Variants in UPB1 observed in about 807,000 individuals in gnomAD.
UPB1 encodes beta-ureidopropionase.
In UPB1, 40 loss-of-function variants were observed where a neutral mutation model predicts 49.1. That is an observed-to-expected ratio of 0.81 (90% CI 0.63 to 1.06). UPB1 has a LOEUF of 1.06. Among genes scored for constraint, UPB1 ranks in the 50% least tolerant of loss-of-function variants. The probability of loss-of-function intolerance (pLI) is 0.00; values close to 1 mark genes in which losing one functional copy is unlikely to be tolerated. For missense variants in UPB1, 499 were observed against 505.9 expected (o/e 0.99, Z 0.13); for synonymous variants, 207 against 198.2 (o/e 1.04, Z -0.38).
At chr22:24,506,945 T>C (rs1367444434) in intron 3 of UPB1, among the ~76,000 whole-genome samples, 1 of 152,170 alleles carries the variant, frequency 6.6e-6, no homozygotes, top group East Asian at 1.9e-4. Flanking sequence ...TGCCAGGTTG[T>C]GTGGCCGCAC....
intron 4 of UPB1, among the ~76,000 whole-genome samples, chr22:24,512,973 A>G (rs1436200374): frequency 2.0e-5 from 3 of 152,236 alleles, no homozygotes. Flanking sequence ...ATTGTGAATA[A>G]TGCTGCAATG....
At chr22:24,498,131 T>TCTCACTGTG (rs2043925159) in intron 1 of UPB1, among the ~76,000 whole-genome samples, 1 of 152,238 alleles carries the variant, frequency 6.6e-6, no homozygotes, top group Non-Finnish European at 1.5e-5. Flanking sequence ...GATGGTGCCT[T>TCTCACTGTG]CTCACTGTGT....
chr22:24,523,764 G>T lies in UPB1; in HGVS notation c.1062G>T (p.Trp354Cys). Residue 354 changes from tryptophan to cysteine, a missense_variant, in exon 9 of 10, where the codon TGG becomes TGT. Trp to Cys is a radical substitution (Grantham distance 215). Transcript: ENST00000326010. ...TCTGCCAGCAGGTGAATGATGTCTGGAACTTCAAGGTAGGTCCCCAGGACC... is the reference window on the plus strand; with the variant it reads ...TCTGCCAGCAGGTGAATGATGTCTGTAACTTCAAGGTAGGTCCCCAGGACC... ...LNLCQQVNDV[W>C]NFKMTGRYEM... The T allele has an allele frequency of 1.2e-6, 2 of 1,614,246 alleles. No individual in the cohort carries two copies. The highest frequency in any genetic ancestry group is 1.7e-6 in the Non-Finnish European group (2 of 1,180,052).
chr22:24,527,348 C>T lies in UPB1; in HGVS notation c.*1554C>T. Reference sequence around the variant, plus strand: ...TCCAGCCTGGACAACAGAGTGAGAGCCTATCTCCAAAAAAAAAAAGGGGTG... The same window carrying T: ...TCCAGCCTGGACAACAGAGTGAGAGTCTATCTCCAAAAAAAAAAAGGGGTG... On this transcript the variant is annotated 3_prime_UTR_variant, in exon 10 of 10. Transcript: ENST00000326010. 6.7e-6 allele frequency: 1 copy of T among 148,802 alleles called. No homozygotes were observed. Among genetic ancestry groups the T allele is most frequent in the Non-Finnish European group, 1.5e-5 (1 of 67,062 alleles). The allele number at this position is 148,802 out of a possible 1,614,324, so 9.2% of individuals were successfully genotyped here. A position where few individuals can be genotyped will look rare whatever the true frequency, so the allele number is the denominator to read the frequency against.
At chr22:24,516,373 G>A (rs971105589) in intron 6 of UPB1, 3 of 152,230 alleles carry the variant, frequency 2.0e-5, no homozygotes, top group African/African-American at 7.2e-5. Context: ...GGCATCCAGC[G>A]AGCTGATCTG....
chr22:24,516,912 G>A (rs2044304839), intron 6 of UPB1, among the ~76,000 whole-genome samples: 1 of 152,138 alleles, frequency 6.6e-6, no homozygotes, highest in Admixed American at 6.5e-5. Flanking sequence ...TTTTCGTAGA[G>A]ATGGGGTTTC....
chr22:24,495,632 C>A (rs1408695248), intron 1 of UPB1, 125 bp downstream of exon 1: 1 of 1,015,326 alleles, frequency 9.8e-7, no homozygotes, highest in Non-Finnish European at 1.5e-6. Context: ...CCTGAGTTGG[C>A]GGGCAGAGAC....
At position 24,502,260 on chromosome 22, in the gene UPB1, G is replaced by A. The variant is rs2044006866; in HGVS notation, c.364+47G>A. On this transcript the variant is annotated intron_variant, in intron 3 of 9. Coordinates refer to ENST00000326010, the MANE Select transcript of UPB1 (RefSeq NM_016327.3). ...TTCTCTGCTGCCTTCAAACAATTGT[G>A]TATTCTCTCCATGTTGCCAAGAGTG... 1.9e-6 allele frequency: 3 copies of A among 1,567,564 alleles called. No individual in the cohort carries two copies. In the African/African-American group the frequency reaches 4.1e-5, roughly 21 times the overall value.
Position 24,526,969 on chromosome 22 carries a change from A to G in UPB1, c.*1175A>G, listed in dbSNP as rs2044487144. On this transcript the variant is annotated 3_prime_UTR_variant, in exon 10 of 10. Coordinates refer to ENST00000326010, the MANE Select transcript of UPB1 (RefSeq NM_016327.3). ...CCTTTTATATCTCTATCCATCACCT[A>G]CTAATTCTGCTAGTTCTGCTAATGT... The G allele has an allele frequency of 6.6e-6, 1 of 152,134 alleles. No homozygotes were observed. The highest frequency in any genetic ancestry group is 2.1e-4 in the South Asian group (1 of 4,826). The allele number at this position is 152,134 out of a possible 1,614,324, so 9.4% of individuals were successfully genotyped here.
intron 9 of UPB1, among the ~76,000 whole-genome samples, chr22:24,524,925 GCATGGGTTCCTCAGTCTCGGATCCTTGT>G (rs2044456657): frequency 6.6e-6 from 1 of 152,118 alleles, no homozygotes; most frequent in African/African-American, 2.4e-5. Flanking sequence ...TGTTTTCTGA[GCATGGGTTCCTCAGTCTCGGATCCTTGT>G]CAGACAAACA....
rs938061328 is a variant in UPB1 at position 24,515,368 on chromosome 22, C to T, written c.789C>T (p.Leu263=). The change falls in exon 6 of 10, where the codon CTC becomes CTT. Residue 263 remains leucine, a splice_region_variant and synonymous_variant. Coordinates refer to ENST00000326010, the MANE Select transcript of UPB1 (RefSeq NM_016327.3). The part of the protein sequence containing the change: ...IFNPSATIGA[L]SESLWPIEAR... ...ACCCCTCGGCCACGATAGGAGCACT[C>T]AGGTCACTCAGTTGGTGGGGTCTGG... 2 of 1,613,976 alleles carry T rather than the reference C, an allele frequency of 1.2e-6. No individual in the cohort carries two copies. The highest frequency in any genetic ancestry group is 1.3e-5 in the African/African-American group (1 of 74,924).
chr22:24,502,548 C>T (rs2147004525), intron 3 of UPB1: 5 of 778,840 alleles, frequency 6.4e-6, no homozygotes, highest in Non-Finnish European at 1.2e-5. Context: ...GACTTCTTTA[C>T]CTTCAGATCT....
chr22:24,497,077 G>A (rs1384588313), intron 1 of UPB1, among the ~76,000 whole-genome samples: 2 of 152,080 alleles, frequency 1.3e-5, no homozygotes, highest in African/African-American at 4.8e-5. Context: ...GTTTTTCAAC[G>A]GGAGAGACTC....
chr22:24,502,164 G>A lies in UPB1; in HGVS notation c.315G>A (p.Glu105=). The change falls in exon 3 of 10, where the codon GAG becomes GAA. Residue 105 remains glutamate (E), a synonymous_variant. Coordinates refer to ENST00000326010, the MANE Select transcript of UPB1 (RefSeq NM_016327.3). ...ATAGACGCATAAAGGCTATCGTAGA[G>A]GTGGCTGCAATGTGTGGAGTCAACA... ...ALHRRIKAIV[E]VAAMCGVNII... 2 of 1,614,210 alleles carry A rather than the reference G, an allele frequency of 1.2e-6. No individual in the cohort carries two copies. The highest frequency in any genetic ancestry group is 1.7e-5 in the Admixed American group (1 of 60,028).
chr22:24,502,333 A>G (rs1479270136), intron 3 of UPB1, 120 bp downstream of exon 3: 7 of 1,158,598 alleles, frequency 6.0e-6, no homozygotes, highest in Non-Finnish European at 9.2e-6. Context: ...TCATCCATGG[A>G]AAGTTCTCCG....
intron 1 of UPB1, among the ~76,000 whole-genome samples, chr22:24,497,733 G>T (rs986860889): frequency 7.9e-5 from 12 of 152,152 alleles, no homozygotes; most frequent in African/African-American, 2.9e-4. Context: ...TGTCCTCCTG[G>T]GCAGTGGCTG....
chr22:24,518,909 C>G (rs962217480), intron 6 of UPB1, among the ~76,000 whole-genome samples: 4 of 152,124 alleles, frequency 2.6e-5, no homozygotes, highest in Non-Finnish European at 4.4e-5. Flanking sequence ...GTCCCCACTC[C>G]CCATCAGACG....
chr22:24,518,375 CAGAACTCTTGGAAAAAAA>C (rs1401860225), intron 6 of UPB1: 2 of 151,734 alleles, frequency 1.3e-5, no homozygotes, highest in African/African-American at 4.8e-5. Flanking sequence ...AGGCTGTGGT[CAGAACTCTTGGAAAAAAA>C]AGGAAAAAAA....
At chr22:24,519,291 G>C (rs745529369) in intron 6 of UPB1, among the ~76,000 whole-genome samples, 12 of 152,000 alleles carry the variant, frequency 7.9e-5, no homozygotes, top group Non-Finnish European at 1.5e-4. Flanking sequence ...CCTACTCCCT[G>C]GTTTAAACCA....
Sources: allele counts gnomAD v4.1 joint callset (sites outside exome capture counted in the v4.1 genomes callset), GRCh38; gene constraint gnomAD v4.1.1; transcripts MANE v1.5; gene names NCBI Gene and HGNC (gene_info 2026-07-23, HGNC 2026-07-21).